The following A3GALT2 variants were observed in gnomAD, a reference collection of about 807,000 sequenced individuals.
A3GALT2 encodes the protein alpha 1,3-galactosyltransferase 2, also known as alpha-1,3-galactosyltransferase 2.
A3GALT2 carries 14 observed loss-of-function variants against 16.6 expected under a neutral mutation model. The observed-to-expected ratio is 0.84, with a 90% CI of 0.56 to 1.32. The LOEUF (loss-of-function observed/expected upper bound fraction) is 1.32. Ranked by LOEUF, A3GALT2 falls within the 40% of genes most tolerant of loss-of-function variation. The pLI is 0.00. For synonymous variants in A3GALT2, 253 were observed against 218.0 expected, an observed-to-expected ratio of 1.16 and a Z score of -1.42; for missense variants, 600 against 490.9, an observed-to-expected ratio of 1.22 and a Z score of -2.10.
At chr1:33,310,174 G>A (rs544551239) in intron 4 of A3GALT2, among the ~76,000 whole-genome samples, 86 of 152,342 alleles carry the variant, frequency 5.6e-4, no homozygotes, top group African/African-American at 1.9e-3. Context: ...ATGGCGGCGC[G>A]CGCCTGCAAT....
At chr1:33,314,363 T>A (rs1199125576) in intron 1 of A3GALT2, 1 of 152,164 alleles carries the variant, frequency 6.6e-6, no homozygotes, top group Admixed American at 6.6e-5. Context: ...GTGTCCGGCC[T>A]ACAAATCCTT....
intron 4 of A3GALT2, among the ~76,000 whole-genome samples, chr1:33,308,763 T>TTG (rs1646217195): frequency 8.6e-6 from 1 of 116,658 alleles, no homozygotes; most frequent in South Asian, 2.5e-4. Context: ...TTTTTTTTTT[T>TTG]TTTTTTTTTT....
At chr1:33,312,709 T>G (rs766201832) in intron 2 of A3GALT2, 98 bp downstream of exon 2, 18 of 1,439,434 alleles carry the variant, frequency 1.3e-5, no homozygotes, top group Non-Finnish European at 1.7e-5. Context: ...TTGAGCTGAG[T>G]TAGCCACTGC....
intron 1 of A3GALT2, among the ~76,000 whole-genome samples, chr1:33,318,386 C>T (rs1292230788): frequency 6.6e-6 from 1 of 151,996 alleles, no homozygotes; most frequent in Non-Finnish European, 1.5e-5. Flanking sequence ...ACTCACTCCT[C>T]CCCCATCCTG....
chr1:33,315,044 C>T (rs534651953), intron 1 of A3GALT2, among the ~76,000 whole-genome samples: 20 of 151,696 alleles, frequency 1.3e-4, no homozygotes, highest in Admixed American at 9.8e-4. Flanking sequence ...GCCAGGAGTT[C>T]GAGATCAGCC....
chr1:33,312,628 A>G, intron 2 of A3GALT2, 38 bp from the exon 3 acceptor site: 1 of 1,524,148 alleles, frequency 6.6e-7, no homozygotes, highest in Non-Finnish European at 8.9e-7. Context: ...GGCAGCCGTG[A>G]GAAGCATGTC....
chr1:33,309,737 C>T (rs1354268193), intron 4 of A3GALT2, among the ~76,000 whole-genome samples: 1 of 150,706 alleles, frequency 6.6e-6, no homozygotes, highest in Non-Finnish European at 1.5e-5. Flanking sequence ...CCCCACATCT[C>T]AGACGATGGG....
chr1:33,311,727 TG>T (rs1646233371), intron 4 of A3GALT2, among the ~76,000 whole-genome samples: 2 of 152,186 alleles, frequency 1.3e-5, no homozygotes, highest in Admixed American at 6.5e-5. Context: ...CACTCTCACC[TG>T]AAAGACTCCA....
chr1:33,306,856 G>C lies in A3GALT2; in HGVS notation c.933C>G (p.Phe311Leu). ...GCGGGCCGATGTCCGGGCTCCAGCA[G>C]AACTCGGGCGACAGCACCTTGGCGG... ...HKPAKVLSPE[F>L]CWSPDIGPRA... The change falls in exon 5 of 5, where the codon TTC becomes TTG. Residue 311 changes from phenylalanine (F) to leucine (L), a missense_variant. Coordinates refer to ENST00000442999, the MANE Select transcript of A3GALT2 (RefSeq NM_001080438.1). The C allele has an allele frequency of 6.6e-7, 1 of 1,513,388 alleles. No individual in the cohort carries two copies. The highest frequency in any genetic ancestry group is 8.8e-7 in the Non-Finnish European group (1 of 1,136,782). 93.7% of individuals were successfully genotyped at this position (1,513,388 alleles called of 1,614,324 possible).
In A3GALT2 at chr1:33,306,912, G is replaced by A; in HGVS notation, c.877C>T (p.His293Tyr). The change falls in exon 5 of 5, where the codon CAC becomes TAC. Residue 293 changes from histidine to tyrosine, a missense_variant. His to Tyr is a moderately conservative substitution (Grantham distance 83). Coordinates refer to ENST00000442999, the MANE Select transcript of A3GALT2 (RefSeq NM_001080438.1). ...GLEARWHDES[H>Y]LNKFFWLHKP... Reference sequence around the variant, plus strand: ...TGCAGCCAGAAGAACTTGTTGAGGTGGCTCTCGTCGTGCCAGCGCGCCTCC... The same window carrying A: ...TGCAGCCAGAAGAACTTGTTGAGGTAGCTCTCGTCGTGCCAGCGCGCCTCC... The A allele has an allele frequency of 1.3e-6, 2 of 1,521,690 alleles. No homozygotes were observed. The highest frequency in any genetic ancestry group is 1.4e-5 in the African/African-American group (1 of 69,612). 94.3% of individuals were successfully genotyped at this position (1,521,690 alleles called of 1,614,324 possible).
intron 1 of A3GALT2, 88 bp from the exon 2 acceptor site, chr1:33,312,978 C>G (rs1049804873): frequency 1.5e-5 from 17 of 1,107,290 alleles, no homozygotes; most frequent in Non-Finnish European, 2.1e-5. Flanking sequence ...GTCTTTCTTA[C>G]TTCCAGCCAG....
In A3GALT2 at chr1:33,306,912, G is replaced by T; in HGVS notation, c.877C>A (p.His293Asn). 6.6e-7 allele frequency: 1 copy of T among 1,521,690 alleles called. No homozygotes were observed. Among genetic ancestry groups the T allele is most frequent in the East Asian group, 2.7e-5 (1 of 37,384 alleles). The allele number at this position is 1,521,690 out of a possible 1,614,324, so 94.3% of individuals were successfully genotyped here. The stretch of plus-strand genomic sequence containing the variant: ...TGCAGCCAGAAGAACTTGTTGAGGT[G>T]GCTCTCGTCGTGCCAGCGCGCCTCC... The part of the protein sequence containing the change: ...GLEARWHDES[H>N]LNKFFWLHKP... The change falls in exon 5 of 5, where the codon CAC (histidine) becomes AAC (asparagine). Residue 293 changes from histidine to asparagine, a missense_variant. Transcript: ENST00000442999.
chr1:33,308,401 G>A (rs1046535085), intron 4 of A3GALT2, among the ~76,000 whole-genome samples: 1 of 151,906 alleles, frequency 6.6e-6, no homozygotes, highest in Non-Finnish European at 1.5e-5. Context: ...CTGAATTACT[G>A]ACACACAGAA....
At chr1:33,308,991 A>C (rs1393659808) in intron 4 of A3GALT2, among the ~76,000 whole-genome samples, 2 of 151,596 alleles carry the variant, frequency 1.3e-5, no homozygotes, top group Non-Finnish European at 1.5e-5. Flanking sequence ...TGCTGCCTTC[A>C]AGCATCTGTT....
intron 4 of A3GALT2, among the ~76,000 whole-genome samples, chr1:33,309,928 G>A (rs1174876715): frequency 2.0e-5 from 3 of 152,244 alleles, no homozygotes; most frequent in East Asian, 1.9e-4. Flanking sequence ...CTGCAATCTC[G>A]GCACTTTGGT....
At chr1:33,316,900 A>G (rs1177315481) in intron 1 of A3GALT2, among the ~76,000 whole-genome samples, 1 of 151,602 alleles carries the variant, frequency 6.6e-6, no homozygotes, top group Admixed American at 6.6e-5. Flanking sequence ...GAGACTGAGG[A>G]GGTAGAGGAC....
In A3GALT2 at chr1:33,320,257, G is replaced by A. The variant is rs918888279; in HGVS notation, c.23+819C>T. Among the ~76,000 whole-genome samples the A allele has an allele frequency of 3.3e-5, 5 of 152,016 alleles. No homozygotes were observed. Among genetic ancestry groups the A allele is most frequent in the Non-Finnish European group, 7.3e-5 (5 of 68,032 alleles). ...GGGAGGTGCACTGTGGGAGGTGTGC[G>A]AGGTACTGCGTAAGGTACTACAGGA... On this transcript the variant is annotated intron_variant, in intron 1 of 4. Transcript: ENST00000442999. This position sits in a 1 kb window ranked among gnomAD's most constrained non-coding sequence, Gnocchi z 4.3.
At chr1:33,313,550 G>A (rs1209324789) in intron 1 of A3GALT2, 1 of 151,980 alleles carries the variant, frequency 6.6e-6, no homozygotes, top group Non-Finnish European at 1.5e-5. Flanking sequence ...GAGCTCAGCA[G>A]CCCAATTCTT....
At chr1:33,312,007 C>A (rs1191100872) in intron 4 of A3GALT2, 45 bp downstream of exon 4, 1 of 1,610,644 alleles carries the variant, frequency 6.2e-7, no homozygotes, top group Non-Finnish European at 8.5e-7. Flanking sequence ...GCACACCCCT[C>A]CCACTCACAG....
Sources: allele counts gnomAD v4.1 joint callset (sites outside exome capture counted in the v4.1 genomes callset), GRCh38; gene constraint gnomAD v4.1.1; non-coding constraint Gnocchi (gnomAD v3.1); transcripts MANE v1.5; gene names NCBI Gene and HGNC (gene_info 2026-07-23, HGNC 2026-07-21).